KCNIP4: variants seen among roughly 807,000 people sequenced by gnomAD.
KCNIP4 encodes the protein Kv channel-interacting protein 4.
KCNIP4 carries 12 observed loss-of-function variants against 34.0 expected under a neutral mutation model. The ratio of observed to expected loss-of-function variants is 0.35; its 90% confidence interval spans 0.23 to 0.57. KCNIP4 has a LOEUF of 0.57. Among genes scored for constraint, KCNIP4 ranks in the 20% least tolerant of loss-of-function variants. KCNIP4 has a pLI of 0.83. For missense variants in KCNIP4, 238 were observed against 311.7 expected (o/e 0.76, Z 1.78); for synonymous variants, 124 against 102.2 (o/e 1.21, Z -1.29).
intron 1 of KCNIP4, among the ~76,000 whole-genome samples, chr4:21,879,579 G>C (rs1726345392): frequency 1.3e-5 from 2 of 152,158 alleles, no homozygotes; most frequent in Admixed American, 1.3e-4. Flanking sequence ...GTCATGTCTT[G>C]CATATTGTAA....
chr4:21,492,414 G>A (rs760285316), intron 1 of KCNIP4, among the ~76,000 whole-genome samples: 3 of 151,960 alleles, frequency 2.0e-5, no homozygotes, highest in African/African-American at 7.3e-5. Context: ...TGGAGACATA[G>A]GGCCTCTCTT....
In KCNIP4 at chr4:21,896,844, G is replaced by A. The variant is rs569864096; in HGVS notation, c.61+51727C>T. Among the ~76,000 whole-genome samples the A allele has an allele frequency of 1.3e-4, 19 of 151,968 alleles. No individual in the cohort carries two copies. The South Asian group carries it at 2.5e-3, about 20-fold the overall frequency. ...TGAGGCAGGAAAATTGCTTGAACCCGGGAGATGGAGGGTGCAGCGAGCCAA... is the reference window on the plus strand; with the variant it reads ...TGAGGCAGGAAAATTGCTTGAACCCAGGAGATGGAGGGTGCAGCGAGCCAA... On this transcript the variant is annotated intron_variant, in intron 1 of 8. Transcript: ENST00000382152.
At chr4:21,661,939 G>T (rs910596030) in intron 1 of KCNIP4, among the ~76,000 whole-genome samples, 2 of 152,178 alleles carry the variant, frequency 1.3e-5, no homozygotes, top group Admixed American at 1.3e-4. Context: ...ATATAAGGCA[G>T]TTTTCTCGCT....
rs533810123 is a variant in KCNIP4 at position 20,738,862 on chromosome 4, T to C, written c.430-4127A>G. 2.8e-3 allele frequency among the ~76,000 whole-genome samples: 419 copies of C among 152,274 alleles called. 3 individuals carry two copies. The highest frequency in any genetic ancestry group is 9.8e-3 in the African/African-American group (408 of 41,562). On this transcript the variant is annotated intron_variant, in intron 5 of 8. Transcript: ENST00000382152. Reference sequence around the variant, plus strand: ...AGCCAAGGGAAGCTGTGACAGATGGTACCTGGAGAATCAGGACACTTCCTG... The same window carrying C: ...AGCCAAGGGAAGCTGTGACAGATGGCACCTGGAGAATCAGGACACTTCCTG...
intron 1 of KCNIP4, among the ~76,000 whole-genome samples, chr4:21,609,501 G>T (rs959196167): frequency 6.6e-6 from 1 of 152,102 alleles, no homozygotes; most frequent in African/African-American, 2.4e-5. Context: ...TTTAATCAAA[G>T]ATCTGAATTG....
intron 1 of KCNIP4, among the ~76,000 whole-genome samples, chr4:20,891,894 C>T (rs73242545): frequency 0.015 from 2,231 of 152,248 alleles, 26 homozygotes; most frequent in Non-Finnish European, 0.024. Context: ...TAAATACTAG[C>T]ATGACTACAC....
intron 1 of KCNIP4, among the ~76,000 whole-genome samples, chr4:21,652,622 C>A (rs1286677958): frequency 6.6e-6 from 1 of 152,090 alleles, no homozygotes; most frequent in African/African-American, 2.4e-5. Flanking sequence ...GCTACAAGTG[C>A]CAAATTTTCC....
chr4:21,250,284 G>A (rs1031726322), intron 1 of KCNIP4, among the ~76,000 whole-genome samples: 1 of 150,168 alleles, frequency 6.7e-6, no homozygotes, highest in Non-Finnish European at 1.5e-5. Context: ...TAAAAATAAT[G>A]CAGAAATTCT....
intron 1 of KCNIP4, among the ~76,000 whole-genome samples, chr4:21,661,529 A>T (rs374290134): frequency 1.7e-4 from 26 of 152,256 alleles, no homozygotes; most frequent in African/African-American, 6.3e-4. Context: ...CCACGTCACA[A>T]GTCCCACAAG....
chr4:21,775,975 C>T (rs1350215001), intron 1 of KCNIP4, among the ~76,000 whole-genome samples: 4 of 152,202 alleles, frequency 2.6e-5, no homozygotes, highest in African/African-American at 4.8e-5. Context: ...CGGGTCACCC[C>T]TCACTCCAGG....
Position 21,625,520 on chromosome 4 carries a change from A to T in KCNIP4, c.61+323051T>A, listed in dbSNP as rs1461639360. Among the ~76,000 whole-genome samples the T allele has an allele frequency of 3.9e-5, 6 of 152,054 alleles. No individual in the cohort carries two copies. In the East Asian group the frequency reaches 1.2e-3, roughly 29 times the overall value. ...GTCGAATTTAAATCCCACTTCTCTC[A>T]TTACAAATACTCTTTCCCTAACTCA... On this transcript the variant is annotated intron_variant, in intron 1 of 8. Coordinates refer to ENST00000382152, the MANE Select transcript of KCNIP4 (RefSeq NM_025221.6).
intron 1 of KCNIP4, chr4:21,613,782 A>C (rs1405781763): frequency 6.6e-6 from 1 of 152,134 alleles, no homozygotes; most frequent in Admixed American, 6.5e-5. Context: ...CTCTAGAAAA[A>C]TATTCTACAG....
At chr4:21,787,018 T>C (rs1485919361) in intron 1 of KCNIP4, among the ~76,000 whole-genome samples, 1 of 152,102 alleles carries the variant, frequency 6.6e-6, no homozygotes, top group Non-Finnish European at 1.5e-5. Flanking sequence ...GTATAGACAG[T>C]TTGAGCATCC....
At chr4:20,735,815 G>T (rs981793076) in intron 5 of KCNIP4, among the ~76,000 whole-genome samples, 38 of 152,176 alleles carry the variant, frequency 2.5e-4, no homozygotes, top group Admixed American at 9.2e-4. Flanking sequence ...GATTACAGGC[G>T]TGAGCCACCA....
intron 3 of KCNIP4, among the ~76,000 whole-genome samples, chr4:20,822,469 C>T (rs1717227052): frequency 6.6e-6 from 1 of 152,130 alleles, no homozygotes. Context: ...TTTTACACAG[C>T]TGGTGGGAAT....
chr4:21,015,503 T>C (rs887360235), intron 1 of KCNIP4, among the ~76,000 whole-genome samples: 2 of 125,428 alleles, frequency 1.6e-5, no homozygotes, highest in African/African-American at 5.9e-5. Flanking sequence ...ACATTATAGA[T>C]AGCACAGATG....
At chr4:21,747,572 G>A (rs1002130961) in intron 1 of KCNIP4, among the ~76,000 whole-genome samples, 1 of 152,056 alleles carries the variant, frequency 6.6e-6, no homozygotes, top group Non-Finnish European at 1.5e-5. Flanking sequence ...AAGATTCAAA[G>A]TACACTCAAT....
At chr4:21,883,997 T>C (rs1726612694) in intron 1 of KCNIP4, among the ~76,000 whole-genome samples, 1 of 152,080 alleles carries the variant, frequency 6.6e-6, no homozygotes, top group East Asian at 1.9e-4. Flanking sequence ...GGGAATATAG[T>C]AGCAGGAACT....
intron 4 of KCNIP4, among the ~76,000 whole-genome samples, chr4:20,755,022 C>T (rs1754265416): frequency 6.6e-6 from 1 of 151,872 alleles, no homozygotes; most frequent in Non-Finnish European, 1.5e-5. Context: ...AATTAATTCC[C>T]CAAATTAATC....
Sources: allele counts gnomAD v4.1 joint callset (sites outside exome capture counted in the v4.1 genomes callset), GRCh38; gene constraint gnomAD v4.1.1; transcripts MANE v1.5; gene names NCBI Gene and HGNC (gene_info 2026-07-23, HGNC 2026-07-21).